AOX1: variants seen among roughly 807,000 people sequenced by gnomAD.
The protein encoded by AOX1 is aldehyde oxidase.
AOX1 carries 153 observed loss-of-function variants against 169.5 expected under a neutral mutation model. The ratio of observed to expected loss-of-function variants is 0.90; its 90% CI spans 0.79 to 1.03. The LOEUF (loss-of-function observed/expected upper bound fraction) is 1.03, where lower values mean the gene tolerates loss of function less well. Among genes scored for constraint, AOX1 ranks in the 50% least tolerant of loss-of-function variants. AOX1 has a pLI of 0.00. For synonymous variants in AOX1, 562 were observed against 581.9 expected, an observed-to-expected ratio of 0.97 and a Z score of 0.49; for missense variants, 1,656 against 1,663.9, an observed-to-expected ratio of 1.00 and a Z score of 0.08.
chr2:200,641,520 G>C (rs1415476734), intron 24 of AOX1, among the ~76,000 whole-genome samples: 4 of 151,922 alleles, frequency 2.6e-5, no homozygotes, highest in African/African-American at 9.7e-5. Context: ...ACCATCTTTG[G>C]CCTCTACTTA....
intron 22 of AOX1, among the ~76,000 whole-genome samples, chr2:200,637,672 T>C (rs10172572): frequency 0.13 from 19,398 of 152,122 alleles, 1,650 homozygotes; most frequent in East Asian, 0.44. Flanking sequence ...AGACTTTGCT[T>C]TTGTTATGCT....
intron 25 of AOX1, 141 bp downstream of exon 25, chr2:200,642,942 G>T: frequency 1.3e-6 from 1 of 794,894 alleles, no homozygotes; most frequent in South Asian, 1.9e-5. Context: ...TGGTTAATGC[G>T]GAGCCCAGAC....
In AOX1 at chr2:200,597,332, C is replaced by T. The variant is rs574528176; in HGVS notation, c.201-65C>T. 52 of 1,173,980 alleles carry T rather than the reference C, an allele frequency of 4.4e-5. 1 individual carries two copies. Among genetic ancestry groups the T allele is most frequent in the South Asian group, 3.2e-4 (20 of 63,362 alleles). 72.7% of individuals were successfully genotyped at this position (1,173,980 alleles called of 1,614,324 possible). A position where few individuals can be genotyped will look rare whatever the true frequency, so the allele number is the denominator to read the frequency against. ...CCACAGTGGAGAAGCTCAGTGAATGCCTGGCCCCTTTCCCACTGTATGCGA... is the reference window on the plus strand; with the variant it reads ...CCACAGTGGAGAAGCTCAGTGAATGTCTGGCCCCTTTCCCACTGTATGCGA... On this transcript the variant is annotated intron_variant, in intron 3 of 34. Transcript: ENST00000374700.
chr2:200,649,001 C>T (rs973354725), intron 25 of AOX1, among the ~76,000 whole-genome samples: 8 of 152,136 alleles, frequency 5.3e-5, no homozygotes, highest in African/African-American at 1.9e-4. Flanking sequence ...AAAACTTGCC[C>T]TGTGCTGCAC....
At chr2:200,676,927 TACA>T (rs1461909567) in exon 5 of AOX1, 1 of 470,754 alleles carries the variant, frequency 2.1e-6, no homozygotes, top group Non-Finnish European at 4.4e-6. Flanking sequence ...GTGCTTTTGA[TACA>T]ACTTCACAAG....
At position 200,637,008 on chromosome 2, in the gene AOX1, G is replaced by T. The variant is rs2035248213; in HGVS notation, c.2444G>T (p.Gly815Val). 1 of 1,613,956 alleles carries T rather than the reference G, an allele frequency of 6.2e-7. No homozygotes were observed. The highest frequency in any genetic ancestry group is 1.3e-5 in the African/African-American group (1 of 74,928). The change falls in exon 22 of 35, where the codon GGA (glycine) becomes GTA (valine). Residue 815 changes from glycine to valine, a missense_variant. By Grantham distance (109) the Gly-to-Val change is moderately radical (BLOSUM62 -3). Coordinates refer to ENST00000374700, the MANE Select transcript of AOX1 (RefSeq NM_001159.4). ...GAFGGKVLKT[G>V]IIAAVTAFAA... ...TTTGGAGGGAAGGTGTTAAAAACCGGAATCATTGCAGCCGTCACTGCATTT... is the reference window on the plus strand; with the variant it reads ...TTTGGAGGGAAGGTGTTAAAAACCGTAATCATTGCAGCCGTCACTGCATTT...
chr2:200,588,519 C>T (rs1040684583), intron 1 of AOX1, among the ~76,000 whole-genome samples: 3 of 152,078 alleles, frequency 2.0e-5, no homozygotes, highest in Non-Finnish European at 2.9e-5. Flanking sequence ...TTCTTATCTA[C>T]GGACTCACTT....
chr2:200,606,532 G>T (rs13391622), intron 10 of AOX1, among the ~76,000 whole-genome samples: 2 of 152,172 alleles, frequency 1.3e-5, no homozygotes, highest in African/African-American at 2.4e-5. Flanking sequence ...GTCAATGGTA[G>T]CTTGATGGGG....
chr2:200,633,833 T>C (rs1419484970), intron 20 of AOX1, among the ~76,000 whole-genome samples: 1 of 152,234 alleles, frequency 6.6e-6, no homozygotes, highest in African/African-American at 2.4e-5. Flanking sequence ...TTCTATTTTA[T>C]TAGAATATTC....
At chr2:200,656,113 T>A (rs1400329403) in intron 26 of AOX1, among the ~76,000 whole-genome samples, 1 of 152,238 alleles carries the variant, frequency 6.6e-6, no homozygotes, top group Non-Finnish European at 1.5e-5. Context: ...CTGTAAAGGT[T>A]GCCTTGCAGG....
intron 30 of AOX1, 88 bp from the exon 31 acceptor site, chr2:200,662,767 C>A: frequency 1.0e-6 from 1 of 986,114 alleles, no homozygotes. Context: ...ATTCCTGTGG[C>A]TTGCATAAAT....
chr2:200,666,857 A>C, intron 32 of AOX1, 105 bp downstream of exon 32: 3 of 742,630 alleles, frequency 4.0e-6, no homozygotes, highest in Non-Finnish European at 2.2e-6. Flanking sequence ...TTATTTTTCT[A>C]ACCCTTTAGT....
chr2:200,650,856 A>G (rs994732410), intron 25 of AOX1, 118 bp from the exon 26 acceptor site: 1 of 804,618 alleles, frequency 1.2e-6, no homozygotes, highest in South Asian at 1.7e-5. Flanking sequence ...ACAAGGACTC[A>G]GTAGAACTTG....
At position 200,590,585 on chromosome 2, in the gene AOX1, A is replaced by C. The variant is rs573013423; in HGVS notation, c.46-2561A>C. On this transcript the variant is annotated intron_variant, in intron 1 of 34. Transcript: ENST00000374700. ...TCAAAACAACAACAACAACAACAAC[A>C]ACAAAACACATTTCAAACTGGTGGG... 1.4e-4 allele frequency among the ~76,000 whole-genome samples: 21 copies of C among 152,258 alleles called. No individual in the cohort carries two copies. In the South Asian group the frequency reaches 3.9e-3, roughly 29 times the overall value.
intron 12 of AOX1, among the ~76,000 whole-genome samples, chr2:200,610,828 T>C (rs1479778152): frequency 6.6e-6 from 1 of 152,200 alleles, no homozygotes; most frequent in African/African-American, 2.4e-5. Context: ...TGAGATCTTT[T>C]CATCTATTTT....
chr2:200,642,942 G>C, intron 25 of AOX1, 141 bp downstream of exon 25: 2 of 794,894 alleles, frequency 2.5e-6, no homozygotes. Flanking sequence ...TGGTTAATGC[G>C]GAGCCCAGAC....
rs758575878 is a variant in AOX1, at chr2:200,613,840, G to A, written c.1485G>A (p.Arg495=). 7 of 1,612,472 alleles carry A rather than the reference G, an allele frequency of 4.3e-6. No homozygotes were observed. The Admixed American group carries it at 5.0e-5, about 12-fold the overall frequency. The change falls in exon 15 of 35, where the codon AGG becomes AGA. Residue 495 remains arginine (R), a synonymous_variant. Transcript: ENST00000374700. ...AACAGATGCTGGATATAGCCTGCAG[G>A]CTTATTCTGAATGAAGTCTCCCTTT... The part of the protein sequence containing the change: ...WNEQMLDIAC[R]LILNEVSLLG...
chr2:200,631,148 T>C (rs1055050138), intron 20 of AOX1, among the ~76,000 whole-genome samples: 2 of 152,204 alleles, frequency 1.3e-5, no homozygotes, highest in African/African-American at 2.4e-5. Context: ...TGCGAAGATA[T>C]ATTTCAACTC....
intron 25 of AOX1, among the ~76,000 whole-genome samples, chr2:200,644,030 G>C (rs1341569751): frequency 2.0e-5 from 3 of 152,150 alleles, no homozygotes; most frequent in Non-Finnish European, 4.4e-5. Flanking sequence ...TCTGCTGGCT[G>C]ACTGTTCCTT....
Sources: allele counts gnomAD v4.1 joint callset (sites outside exome capture counted in the v4.1 genomes callset), GRCh38; gene constraint gnomAD v4.1.1; transcripts MANE v1.5; gene names NCBI Gene and HGNC (gene_info 2026-07-23, HGNC 2026-07-21).